Variants in RIF1 observed in about 807,000 individuals in gnomAD.
RIF1 encodes the protein telomere-associated protein RIF1.
Under a neutral mutation model 247.1 loss-of-function variants are expected in RIF1, and 45 were observed. The observed-to-expected ratio is 0.18, with a 90% CI of 0.14 to 0.23. The LOEUF (loss-of-function observed/expected upper bound fraction) is 0.23. Among genes scored for constraint, RIF1 ranks in the 10% least tolerant of loss-of-function variants. RIF1 has a pLI of 1.00. For missense variants in RIF1, 2,967 were observed against 2,862.5 expected (o/e 1.04, Z -0.83); for synonymous variants, 1,087 against 978.8 (o/e 1.11, Z -2.06).
At chr2:151,497,793 A>G (rs2061287516) in intron 10 of RIF1, 2 of 1,540,560 alleles carry the variant, frequency 1.3e-6, no homozygotes, top group Non-Finnish European at 8.7e-7. Context: ...AAGGATGAGG[A>G]AAAAACACAG....
intron 9 of RIF1, among the ~76,000 whole-genome samples, chr2:151,430,625 A>G (rs1157344529): frequency 6.6e-6 from 1 of 151,806 alleles, no homozygotes; most frequent in African/African-American, 2.4e-5. Flanking sequence ...CAGCCCTATA[A>G]TTACTTTTAT....
intron 13 of RIF1, among the ~76,000 whole-genome samples, chr2:151,507,460 C>T (rs1399823086): frequency 2.6e-5 from 4 of 152,152 alleles, no homozygotes; most frequent in Non-Finnish European, 5.9e-5. Flanking sequence ...TCATTTAAAG[C>T]AGGCAATAAG....
intron 30 of RIF1, among the ~76,000 whole-genome samples, 177 bp downstream of exon 30, chr2:151,466,297 A>T (rs768922803): frequency 1.3e-5 from 2 of 152,206 alleles, no homozygotes; most frequent in Non-Finnish European, 2.9e-5. Context: ...AAAAAAGGAG[A>T]CTGAAGCCTT....
rs1461410765 is a variant in RIF1 at position 151,490,066 on chromosome 2, C to T, written c.*416-5163C>T. 6.2e-7 allele frequency: 1 copy of T among 1,607,650 alleles called. No individual in the cohort carries two copies. The highest frequency in any genetic ancestry group is 1.7e-5 in the Admixed American group (1 of 59,138). ...TGTTGTGGGAGCTCTGTGGTTTTTGCATGTTTGTAAGCTGAAAAAAAGGGG... is the reference window on the plus strand; with the variant it reads ...TGTTGTGGGAGCTCTGTGGTTTTTGTATGTTTGTAAGCTGAAAAAAAGGGG... On this transcript the variant is annotated intron_variant and NMD_transcript_variant, in intron 9 of 13. Coordinates refer to the RIF1 transcript ENST00000454583.
chr2:151,475,167 A>T lies in RIF1; in HGVS notation c.*96A>T, dbSNP rs981791093. 11 of 849,134 alleles carry T rather than the reference A, an allele frequency of 1.3e-5. No individual in the cohort carries two copies. The highest frequency in any genetic ancestry group is 1.7e-5 in the Non-Finnish European group (9 of 524,316). The allele number at this position is 849,134 out of a possible 1,614,324, so 52.6% of individuals were successfully genotyped here. ...ATAATAGCACAATTTCAAAGAAGAGACTCTTTGCAAAGTTGATAACATTTC... is the reference window on the plus strand; with the variant it reads ...ATAATAGCACAATTTCAAAGAAGAGTCTCTTTGCAAAGTTGATAACATTTC... On this transcript the variant is annotated 3_prime_UTR_variant, in exon 36 of 36. Transcript: ENST00000444746.
At chr2:151,436,677 A>G in intron 11 of RIF1, 150 bp from the exon 12 acceptor site, 1 of 552,930 alleles carries the variant, frequency 1.8e-6, no homozygotes, top group Admixed American at 3.7e-5. Flanking sequence ...GTTACAGAAT[A>G]CCTGCATATT....
At chr2:151,435,313 A>G (rs1690952074) in intron 10 of RIF1, 150 bp from the exon 11 acceptor site, 2 of 587,740 alleles carry the variant, frequency 3.4e-6, no homozygotes, top group Non-Finnish European at 6.1e-6. Flanking sequence ...ATTTTTTCCA[A>G]ATTCCACTTT....
At chr2:151,410,390 C>T in intron 1 of RIF1, 24 bp from the exon 2 acceptor site, 3 of 1,590,368 alleles carry the variant, frequency 1.9e-6, no homozygotes, top group Non-Finnish European at 2.6e-6. Flanking sequence ...ACTGGATTTT[C>T]TCCTCTTCCG....
the RIF1 span, chr2:151,525,301 A>C: frequency 6.7e-7 from 1 of 1,484,934 alleles, no homozygotes; most frequent in Non-Finnish European, 9.4e-7. Context: ...TACTTTTATG[A>C]GTAGAGGAAG....
intron 33 of RIF1, 41 bp downstream of exon 33, chr2:151,468,797 C>T: frequency 7.3e-7 from 1 of 1,372,100 alleles, no homozygotes; most frequent in South Asian, 1.2e-5. Flanking sequence ...TTCCAAGATG[C>T]CACTTATTTA....
downstream of RIF1, chr2:151,485,422 A>G: frequency 5.3e-6 from 1 of 187,454 alleles, no homozygotes; most frequent in Non-Finnish European, 1.1e-5. Context: ...AATAATAAGC[A>G]TTAGCAATCA....
At chr2:151,521,054 CA>C in the RIF1 span, among the ~76,000 whole-genome samples, 2 of 152,048 alleles carry the variant, frequency 1.3e-5, no homozygotes, top group African/African-American at 2.4e-5. Context: ...GTTAGCCAAC[CA>C]AAAGGGCAAT....
rs536698421 is a variant in RIF1 at position 151,500,851 on chromosome 2, G to A, written c.*709+1311G>A. 6.4e-4 allele frequency among the ~76,000 whole-genome samples: 97 copies of A among 152,064 alleles called. 1 individual carries two copies. The highest frequency in any genetic ancestry group is 2.3e-3 in the African/African-American group (95 of 41,492). ...TGGGCTCAAGTGATCTGCCTGCCTC[G>A]ACCTCCCAAAGTGCTGAGGTGACAG... On this transcript the variant is annotated intron_variant and NMD_transcript_variant, in intron 11 of 13. Transcript: ENST00000454583.
chr2:151,438,325 A>G (rs1381902538), intron 13 of RIF1, among the ~76,000 whole-genome samples: 1 of 152,120 alleles, frequency 6.6e-6, no homozygotes, highest in Non-Finnish European at 1.5e-5. Flanking sequence ...ACAAAAAAAA[A>G]TAATTAGATG....
At chr2:151,509,716 C>A (rs968226049), downstream of RIF1, among the ~76,000 whole-genome samples, 5 of 152,260 alleles carry the variant, frequency 3.3e-5, no homozygotes, top group Admixed American at 3.3e-4. Flanking sequence ...CAACCTCTGA[C>A]TCCCTGGTTC....
At chr2:151,521,065 T>G in the RIF1 span, among the ~76,000 whole-genome samples, 2 of 152,076 alleles carry the variant, frequency 1.3e-5, no homozygotes, top group African/African-American at 4.8e-5. Context: ...AAAAGGGCAA[T>G]ATTTAACCCT....
Position 151,445,266 on chromosome 2 carries a change from A to T in RIF1, c.1987-72A>T, listed in dbSNP as rs1693054455. ...ACACAGTTTTGCCCACTACTTATAA[A>T]TAAGTTATGTTACTACTTAGGATTA... On this transcript the variant is annotated intron_variant, in intron 18 of 35. Coordinates refer to ENST00000444746, the MANE Select transcript of RIF1 (RefSeq NM_018151.5). 3 of 909,438 alleles carry T rather than the reference A, an allele frequency of 3.3e-6. No homozygotes were observed. In the African/African-American group the frequency reaches 4.9e-5, roughly 15 times the overall value. 56.3% of individuals were successfully genotyped at this position (909,438 alleles called of 1,614,324 possible).
intron 3 of RIF1, among the ~76,000 whole-genome samples, chr2:151,412,541 G>A (rs776963890): frequency 1.3e-5 from 2 of 152,142 alleles, no homozygotes; most frequent in Non-Finnish European, 2.9e-5. Context: ...GTGCTGGAGT[G>A]CAGTGGCACA....
At chr2:151,450,640 A>G (rs1330272712) in intron 20 of RIF1, among the ~76,000 whole-genome samples, 10 of 151,860 alleles carry the variant, frequency 6.6e-5, no homozygotes, top group East Asian at 5.8e-4. Flanking sequence ...CTGGCGTGCA[A>G]TGGTGTGAAC....
Sources: allele counts gnomAD v4.1 joint callset (sites outside exome capture counted in the v4.1 genomes callset), GRCh38; gene constraint gnomAD v4.1.1; transcripts MANE v1.5; gene names NCBI Gene and HGNC (gene_info 2026-07-23, HGNC 2026-07-21).